The following METTL16 variants were observed in gnomAD, a reference collection of about 807,000 sequenced individuals.
METTL16 encodes the protein methyltransferase 16, RNA N6-adenosine, also known as RNA N(6)-adenosine-methyltransferase METTL16.
METTL16 carries 19 observed loss-of-function variants against 57.9 expected under a neutral mutation model. The ratio of observed to expected loss-of-function variants is 0.33; its 90% CI spans 0.23 to 0.48. The LOEUF (loss-of-function observed/expected upper bound fraction) is 0.48. Among genes scored for constraint, METTL16 ranks in the 20% least tolerant of loss-of-function variants. The probability of loss-of-function intolerance (pLI) is 0.99; values close to 1 mark genes in which losing one functional copy is unlikely to be tolerated. For synonymous variants in METTL16, 246 were observed against 255.6 expected, an observed-to-expected ratio of 0.96 and a Z score of 0.36; for missense variants, 434 against 691.5, an observed-to-expected ratio of 0.63 and a Z score of 4.18.
At chr17:2,491,864 G>A (rs1288854086) in intron 2 of METTL16, among the ~76,000 whole-genome samples, 19 of 108,764 alleles carry the variant, frequency 1.7e-4, no homozygotes, top group Non-Finnish European at 1.7e-4. Flanking sequence ...GACAGAGCGA[G>A]ACACCGTCTC....
intron 2 of METTL16, among the ~76,000 whole-genome samples, chr17:2,493,051 T>G (rs1238469626): frequency 6.6e-6 from 1 of 151,744 alleles, no homozygotes. Context: ...TAAGTGACAC[T>G]CTGACCCACT....
At chr17:2,446,816 T>C (rs898006602) in intron 6 of METTL16, among the ~76,000 whole-genome samples, 5 of 152,004 alleles carry the variant, frequency 3.3e-5, no homozygotes, top group Admixed American at 2.0e-4. Flanking sequence ...CTCCTAGCCG[T>C]GAGTGATCCG....
intron 8 of METTL16, among the ~76,000 whole-genome samples, chr17:2,428,564 AAT>A (rs71362532): frequency 0.015 from 484 of 31,306 alleles, 2 homozygotes; most frequent in Non-Finnish European, 0.021. Context: ...AAAAAAAAAA[AAT>A]ATATATATAT....
intron 6 of METTL16, among the ~76,000 whole-genome samples, chr17:2,446,843 G>A (rs1567888825): frequency 1.3e-5 from 2 of 152,022 alleles, no homozygotes; most frequent in Non-Finnish European, 2.9e-5. Context: ...TCGGCCTCCC[G>A]GGGTGCCGGG....
In METTL16 at chr17:2,438,207, A is replaced by C. The variant is rs1399256208; in HGVS notation, c.799-9T>G. On this transcript the variant is annotated splice_polypyrimidine_tract_variant and intron_variant, in intron 7 of 9. Transcript: ENST00000263092. The stretch of plus-strand genomic sequence containing the variant: ...TACGTTACTTTGGGAACCTGAAACC[A>C]ACAAAGACAGCATCTCATCAAACTG... 2.5e-6 allele frequency: 4 copies of C among 1,603,890 alleles called. No homozygotes were observed. In the Admixed American group the frequency reaches 6.7e-5, roughly 27 times the overall value.
intron 2 of METTL16, among the ~76,000 whole-genome samples, chr17:2,489,680 A>C (rs2067370323): frequency 7.1e-6 from 1 of 141,624 alleles, no homozygotes; most frequent in South Asian, 2.4e-4. Flanking sequence ...TGGAGGTTGC[A>C]GTGAGCCAAG....
intron 2 of METTL16, among the ~76,000 whole-genome samples, chr17:2,484,061 G>A (rs1166610592): frequency 2.0e-5 from 3 of 152,040 alleles, no homozygotes; most frequent in Non-Finnish European, 1.5e-5. Flanking sequence ...CATGGTAAAA[G>A]GAATTTGAGG....
intron 6 of METTL16, among the ~76,000 whole-genome samples, chr17:2,444,838 C>T (rs1173690501): frequency 6.6e-6 from 1 of 151,764 alleles, no homozygotes; most frequent in Non-Finnish European, 1.5e-5. Flanking sequence ...CTCAGCCTCC[C>T]GAGTAGCTGG....
At chr17:2,438,966 C>T (rs2066927874) in intron 7 of METTL16, among the ~76,000 whole-genome samples, 1 of 152,140 alleles carries the variant, frequency 6.6e-6, no homozygotes, top group Non-Finnish European at 1.5e-5. Flanking sequence ...AGGAATAGGA[C>T]GTCAGAGAGA....
intron 8 of METTL16, among the ~76,000 whole-genome samples, chr17:2,428,578 TA>T (rs2066841688): frequency 1.7e-4 from 6 of 35,090 alleles, no homozygotes; most frequent in South Asian, 1.8e-3. Context: ...TATATATATA[TA>T]TATATATATA....
At chr17:2,461,752 A>T (rs1423414565) in intron 6 of METTL16, among the ~76,000 whole-genome samples, 1 of 151,284 alleles carries the variant, frequency 6.6e-6, no homozygotes, top group Non-Finnish European at 1.5e-5. Context: ...AATTTTTTGT[A>T]TTTTTTACTA....
chr17:2,429,872 A>T (rs972741958), intron 8 of METTL16, among the ~76,000 whole-genome samples: 1 of 145,928 alleles, frequency 6.9e-6, no homozygotes, highest in East Asian at 2.1e-4. Flanking sequence ...GTGCAGTGGC[A>T]CGATCTCAGC....
At chr17:2,457,472 C>T (rs1339621048) in intron 6 of METTL16, among the ~76,000 whole-genome samples, 2 of 151,852 alleles carry the variant, frequency 1.3e-5, no homozygotes, top group Non-Finnish European at 2.9e-5. Context: ...TTTAGGAGGC[C>T]GAGGCAGGCG....
At chr17:2,489,111 C>CT (rs11404983) in intron 2 of METTL16, among the ~76,000 whole-genome samples, 118,748 of 146,218 alleles carry the variant, frequency 0.81, 47,431 homozygotes, top group Non-Finnish European at 0.83. Flanking sequence ...ACTTTTCATT[C>CT]TTTTTTTTTT....
At chr17:2,500,203 A>G (rs1426591605) in intron 2 of METTL16, among the ~76,000 whole-genome samples, 7 of 152,202 alleles carry the variant, frequency 4.6e-5, no homozygotes, top group Admixed American at 2.0e-4. Context: ...TTCTAAAGCT[A>G]TAAGAAGAGG....
intron 2 of METTL16, among the ~76,000 whole-genome samples, chr17:2,488,563 C>T (rs1303693192): frequency 1.3e-5 from 2 of 151,748 alleles, no homozygotes; most frequent in African/African-American, 4.8e-5. Flanking sequence ...CGTTCCCCAC[C>T]CACCAAAAAA....
intron 2 of METTL16, among the ~76,000 whole-genome samples, chr17:2,499,845 C>T (rs1158389018): frequency 6.6e-6 from 1 of 151,916 alleles, no homozygotes; most frequent in African/African-American, 2.4e-5. Context: ...CCTCCGCCTC[C>T]CCAGTTCAAG....
intron 3 of METTL16, among the ~76,000 whole-genome samples, chr17:2,476,005 T>A (rs2067266048): frequency 6.6e-6 from 1 of 152,192 alleles, no homozygotes; most frequent in South Asian, 2.1e-4. Flanking sequence ...ATGACTTGGC[T>A]AGGATGGCAG....
chr17:2,429,214 T>TTTG (rs397932718), intron 8 of METTL16, among the ~76,000 whole-genome samples: 1 of 147,472 alleles, frequency 6.8e-6, no homozygotes. Flanking sequence ...TTTTTTTTTT[T>TTTG]GGAGATGTAG....
Sources: gnomAD v4.1 joint callset for allele counts (sites outside exome capture counted in the v4.1 genomes callset) on GRCh38, gnomAD v4.1.1 for gene constraint, MANE v1.5 for transcripts, NCBI Gene and HGNC (gene_info 2026-07-23, HGNC 2026-07-21) for gene names.